TRAPPC9: variants seen among roughly 807,000 people sequenced by gnomAD.
TRAPPC9 encodes the protein IKK2 binding protein.
A neutral mutation model predicts 124.0 loss-of-function variants in TRAPPC9; 83 were observed. That is an observed-to-expected ratio of 0.67 (90% CI 0.56 to 0.80). The LOEUF is 0.80. Among genes scored for constraint, TRAPPC9 ranks in the 30% least tolerant of loss-of-function variants. The pLI, the probability that TRAPPC9 is intolerant of heterozygous loss-of-function variation, is 0.00. For synonymous variants in TRAPPC9, 638 were observed against 617.5 expected, an observed-to-expected ratio of 1.03 and a Z score of -0.49; for missense variants, 1,302 against 1,508.3, an observed-to-expected ratio of 0.86 and a Z score of 2.27.
intron 11 of TRAPPC9, among the ~76,000 whole-genome samples, chr8:140,291,843 A>C (rs1040118832): frequency 6.6e-6 from 1 of 152,190 alleles, no homozygotes; most frequent in African/African-American, 2.4e-5. Context: ...AGCCTCTGGG[A>C]GCTGAAAGCA....
At chr8:140,320,169 T>A (rs2066555357) in intron 9 of TRAPPC9, among the ~76,000 whole-genome samples, 1 of 152,224 alleles carries the variant, frequency 6.6e-6, no homozygotes, top group African/African-American at 2.4e-5. Context: ...ATAGAAATAA[T>A]ACCACAGTTA....
At chr8:140,093,936 G>A (rs532430788) in intron 17 of TRAPPC9, among the ~76,000 whole-genome samples, 60 of 152,236 alleles carry the variant, frequency 3.9e-4, no homozygotes, top group East Asian at 7.7e-4. Flanking sequence ...ACACTGCATC[G>A]ATTATGAAGT....
chr8:140,261,645 G>A (rs11997442), intron 15 of TRAPPC9, among the ~76,000 whole-genome samples: 37,503 of 152,072 alleles, frequency 0.25, 5,062 homozygotes, highest in African/African-American at 0.35. Context: ...TCAGTCTAGC[G>A]TATCAGGAGT....
chr8:139,875,558 C>T (rs1251847103), intron 21 of TRAPPC9, among the ~76,000 whole-genome samples: 1 of 152,234 alleles, frequency 6.6e-6, no homozygotes, highest in African/African-American at 2.4e-5. Flanking sequence ...CCCAGGGATG[C>T]CAACTGGGCC....
intron 19 of TRAPPC9, among the ~76,000 whole-genome samples, chr8:139,943,310 A>C (rs2614753): frequency 6.6e-6 from 1 of 152,124 alleles, no homozygotes; most frequent in Non-Finnish European, 1.5e-5. Context: ...CAGGTGATTC[A>C]CCTGTCTTGG....
chr8:140,310,213 G>A (rs2066257827), intron 10 of TRAPPC9, among the ~76,000 whole-genome samples: 1 of 152,056 alleles, frequency 6.6e-6, no homozygotes, highest in African/African-American at 2.4e-5. Context: ...TAATTTTGGG[G>A]GCATAGTGGG....
chr8:140,349,265 C>T (rs552100259), intron 9 of TRAPPC9, among the ~76,000 whole-genome samples: 1 of 111,314 alleles, frequency 9.0e-6, no homozygotes, highest in Admixed American at 1.0e-4. Flanking sequence ...CAGAGGGGGG[C>T]CGATGGGGGC....
chr8:139,893,765 C>T (rs34311682), intron 20 of TRAPPC9, among the ~76,000 whole-genome samples: 20,861 of 152,222 alleles, frequency 0.14, 1,604 homozygotes, highest in Admixed American at 0.2. Flanking sequence ...CTGATGCTGG[C>T]CCTTGGCACA....
At chr8:139,783,691 A>G (rs1236312046) in intron 21 of TRAPPC9, among the ~76,000 whole-genome samples, 1 of 152,252 alleles carries the variant, frequency 6.6e-6, no homozygotes, top group Non-Finnish European at 1.5e-5. Context: ...CAAGACAGGA[A>G]TGTTACAAAA....
intron 21 of TRAPPC9, among the ~76,000 whole-genome samples, chr8:139,789,504 G>C (rs528825493): frequency 6.6e-6 from 1 of 152,240 alleles, no homozygotes; most frequent in South Asian, 2.1e-4. Context: ...CAGACCTCCT[G>C]AGCCACACTT....
chr8:139,915,219 C>A (rs1298885112), intron 19 of TRAPPC9, among the ~76,000 whole-genome samples: 1 of 152,148 alleles, frequency 6.6e-6, no homozygotes, highest in Admixed American at 6.5e-5. Flanking sequence ...TGAGTGATGC[C>A]TTTTTGCTAG....
rs1396709316 is a variant in TRAPPC9 at position 139,779,229 on chromosome 8, T to C, written c.3056-47027A>G. Among the ~76,000 whole-genome samples, 5 of 152,130 alleles carry C rather than the reference T, an allele frequency of 3.3e-5. 1 individual carries two copies. The highest frequency in any genetic ancestry group is 1.2e-4 in the African/African-American group (5 of 41,448). On this transcript the variant is annotated intron_variant, in intron 21 of 22. Transcript: ENST00000438773. The stretch of plus-strand genomic sequence containing the variant: ...GTGCGGGGTGGGCAGGGCAGAGAAC[T>C]GTTAACCTAGAATTCTGAACCCAGC...
At chr8:140,348,582 C>T (rs4736176) in intron 9 of TRAPPC9, among the ~76,000 whole-genome samples, 28,790 of 151,914 alleles carry the variant, frequency 0.19, 3,609 homozygotes, top group East Asian at 0.63. Flanking sequence ...ATCAACAGTA[C>T]CAAAAACAAC....
chr8:140,199,070 G>A (rs1051843067), intron 17 of TRAPPC9, among the ~76,000 whole-genome samples: 1 of 152,180 alleles, frequency 6.6e-6, no homozygotes, highest in African/African-American at 2.4e-5. Flanking sequence ...GGACCCCCAG[G>A]AGAATTCAGA....
chr8:140,428,107 C>T (rs1435636357), intron 4 of TRAPPC9, among the ~76,000 whole-genome samples: 1 of 151,924 alleles, frequency 6.6e-6, no homozygotes, highest in Non-Finnish European at 1.5e-5. Context: ...TTCCAGATAA[C>T]CTAGAAACGT....
chr8:139,898,537 T>C (rs1830810639), intron 20 of TRAPPC9, among the ~76,000 whole-genome samples: 1 of 152,192 alleles, frequency 6.6e-6, no homozygotes, highest in Admixed American at 6.5e-5. Context: ...GAAGATTTAC[T>C]GAGCACCTAC....
At chr8:139,866,915 A>G (rs1828581107) in intron 21 of TRAPPC9, among the ~76,000 whole-genome samples, 1 of 152,142 alleles carries the variant, frequency 6.6e-6, no homozygotes, top group South Asian at 2.1e-4. Flanking sequence ...GATCACTGCA[A>G]TCTCCACCTC....
chr8:140,285,137 C>T (rs1181804164), intron 13 of TRAPPC9, among the ~76,000 whole-genome samples: 1 of 152,212 alleles, frequency 6.6e-6, no homozygotes, highest in Admixed American at 6.5e-5. Flanking sequence ...TCCTTTTGAC[C>T]TTGTTCCCAA....
Position 140,369,889 on chromosome 8 carries a change from C to T in TRAPPC9, c.1351+1075G>A, listed in dbSNP as rs1288705424. ...ATCACTTGAACCCAGGAGTTGGAGG[C>T]TGCAGTGAGCCAAGATCATGCCATT... On this transcript the variant is annotated intron_variant, in intron 8 of 22. Transcript: ENST00000438773. Among the ~76,000 whole-genome samples the T allele has an allele frequency of 2.6e-5, 4 of 152,038 alleles. No homozygotes were observed. The East Asian group carries it at 7.8e-4, about 30-fold the overall frequency.
Sources: gnomAD v4.1 joint callset for allele counts (sites outside exome capture counted in the v4.1 genomes callset) on GRCh38, gnomAD v4.1.1 for gene constraint, MANE v1.5 for transcripts, NCBI Gene and HGNC (gene_info 2026-07-23, HGNC 2026-07-21) for gene names.